Variants in TBC1D22A observed in about 807,000 individuals in gnomAD.
The protein encoded by TBC1D22A is putative GTPase activator.
TBC1D22A carries 38 observed loss-of-function variants against 60.2 expected under a neutral mutation model. The observed-to-expected ratio is 0.63, with a 90% confidence interval of 0.49 to 0.83. The LOEUF (loss-of-function observed/expected upper bound fraction) is 0.83, where lower values mean the gene tolerates loss of function less well. Ranked by LOEUF, TBC1D22A falls within the 40% of genes least tolerant of loss-of-function variation. TBC1D22A has a pLI of 0.00. For missense variants in TBC1D22A, 628 were observed against 701.0 expected (o/e 0.90, Z 1.18); for synonymous variants, 302 against 281.7 (o/e 1.07, Z -0.72).
At chr22:46,797,408 G>C in intron 3 of TBC1D22A, 36 bp from the exon 4 acceptor site, 1 of 1,608,406 alleles carries the variant, frequency 6.2e-7, no homozygotes, top group Non-Finnish European at 8.5e-7. Flanking sequence ...CGGGAGGAGC[G>C]CCCTCACCCT....
At chr22:47,061,107 G>T (rs910053207) in intron 11 of TBC1D22A, among the ~76,000 whole-genome samples, 1 of 151,522 alleles carries the variant, frequency 6.6e-6, no homozygotes, top group Admixed American at 6.6e-5. Flanking sequence ...GTCTTCCTCG[G>T]TGCCCTCACC....
At chr22:46,839,353 G>T (rs2086654511) in intron 4 of TBC1D22A, among the ~76,000 whole-genome samples, 1 of 151,658 alleles carries the variant, frequency 6.6e-6, no homozygotes, top group South Asian at 2.1e-4. Context: ...TGTCACCCAG[G>T]CTGGAGTGCA....
At chr22:47,068,724 C>T (rs1380744364) in intron 11 of TBC1D22A, among the ~76,000 whole-genome samples, 1 of 152,212 alleles carries the variant, frequency 6.6e-6, no homozygotes, top group African/African-American at 2.4e-5. Flanking sequence ...CTAACAATTT[C>T]ACGCCGAAAT....
intron 5 of TBC1D22A, among the ~76,000 whole-genome samples, chr22:46,890,123 A>G (rs537534401): frequency 1.7e-4 from 26 of 152,198 alleles, no homozygotes; most frequent in Non-Finnish European, 2.9e-4. Flanking sequence ...AGGCGGGTGG[A>G]TCACGAGGTC....
chr22:46,946,710 C>T (rs2072569173), intron 8 of TBC1D22A, among the ~76,000 whole-genome samples: 1 of 152,220 alleles, frequency 6.6e-6, no homozygotes, highest in Admixed American at 6.5e-5. Context: ...TTCATTCAGT[C>T]ACAGCATCCT....
At chr22:47,035,784 G>A (rs1395366764) in intron 10 of TBC1D22A, among the ~76,000 whole-genome samples, 1 of 152,152 alleles carries the variant, frequency 6.6e-6, no homozygotes, top group Non-Finnish European at 1.5e-5. Context: ...CTTAGGTGAG[G>A]GCAGCTCCCG....
chr22:46,883,739 C>T (rs1453517026), intron 5 of TBC1D22A, among the ~76,000 whole-genome samples: 1 of 152,222 alleles, frequency 6.6e-6, no homozygotes, highest in Non-Finnish European at 1.5e-5. Context: ...CCTTCACTGG[C>T]ACACAGGCCT....
At position 46,841,073 on chromosome 22, in the gene TBC1D22A, T is replaced by TGTGTGTGTGTGA. The variant is rs35099198; in HGVS notation, c.638-37579_638-37578insTGTGTGTGTGAG. Among the ~76,000 whole-genome samples, 323 of 148,672 alleles carry TGTGTGTGTGTGA rather than the reference T, an allele frequency of 2.2e-3. 1 individual carries two copies. The highest frequency in any genetic ancestry group is 5.3e-3 in the African/African-American group (214 of 40,228). On this transcript the variant is annotated intron_variant, in intron 4 of 12. Transcript: ENST00000337137. The stretch of plus-strand genomic sequence containing the variant: ...GTGTGTGTGTGTGTGTGTGTGTGTG[T>TGTGTGTGTGTGA]GAGAGAGAGAGAGAGAGAAAGAGAG...
chr22:46,854,095 C>T (rs554017683), intron 4 of TBC1D22A, among the ~76,000 whole-genome samples: 4 of 152,212 alleles, frequency 2.6e-5, no homozygotes, highest in Non-Finnish European at 5.9e-5. Context: ...CACGCTCTTC[C>T]TTGGTTGGGA....
intron 10 of TBC1D22A, among the ~76,000 whole-genome samples, chr22:47,008,346 C>T (rs898255019): frequency 3.3e-5 from 5 of 152,190 alleles, no homozygotes; most frequent in Admixed American, 2.6e-4. Context: ...CATTTTCTAG[C>T]CTGGAGGGAG....
In TBC1D22A at chr22:46,931,734, T is replaced by G. The variant is rs2071363552; in HGVS notation, c.1015+19546T>G. On this transcript the variant is annotated intron_variant, in intron 8 of 12. Coordinates refer to ENST00000337137, the MANE Select transcript of TBC1D22A (RefSeq NM_014346.5). ...TTTCAGAAATTTCATGGACTCTCTT[T>G]CCTGGGTCTGATTCTTAATCCCTTT... 2.6e-5 allele frequency among the ~76,000 whole-genome samples: 4 copies of G among 152,222 alleles called. No homozygotes were observed. The South Asian group carries it at 8.3e-4, about 31-fold the overall frequency.
chr22:47,017,248 G>T (rs1161429595), intron 10 of TBC1D22A, among the ~76,000 whole-genome samples: 1 of 152,192 alleles, frequency 6.6e-6, no homozygotes, highest in Non-Finnish European at 1.5e-5. Flanking sequence ...ATTGCATTTT[G>T]TATGAAAGTC....
At chr22:47,052,374 G>C (rs1232863197) in intron 11 of TBC1D22A, among the ~76,000 whole-genome samples, 1 of 152,220 alleles carries the variant, frequency 6.6e-6, no homozygotes, top group Non-Finnish European at 1.5e-5. Flanking sequence ...GGCACAGCGG[G>C]CGAGCCTGGG....
At chr22:47,057,295 G>A (rs73471656) in intron 11 of TBC1D22A, among the ~76,000 whole-genome samples, 6,426 of 152,216 alleles carry the variant, frequency 0.042, 421 homozygotes, top group African/African-American at 0.14. Flanking sequence ...CTCCTTCCAC[G>A]GGAGCAGAAG....
chr22:47,034,952 G>T (rs2062608942), intron 10 of TBC1D22A, among the ~76,000 whole-genome samples: 1 of 152,156 alleles, frequency 6.6e-6, no homozygotes, highest in Non-Finnish European at 1.5e-5. Context: ...GGCTCCCTGA[G>T]TCCTGAGGCA....
intron 9 of TBC1D22A, among the ~76,000 whole-genome samples, chr22:46,993,179 C>A (rs2075008150): frequency 1.3e-5 from 2 of 152,140 alleles, no homozygotes; most frequent in African/African-American, 4.8e-5. Flanking sequence ...AAAATGCTCC[C>A]TAAGAAAATT....
Position 47,117,651 on chromosome 22 carries a change from C to T in TBC1D22A, c.1425+6048C>T, listed in dbSNP as rs377560775. 7.2e-5 allele frequency among the ~76,000 whole-genome samples: 11 copies of T among 152,316 alleles called. No homozygotes were observed. The East Asian group carries it at 7.7e-4, about 11-fold the overall frequency. ...GGCCGCAGGAGCGAGGAAAGCAGGACGCTCCCGGGAGCACAGGAGCCCAGC... is the reference window on the plus strand; with the variant it reads ...GGCCGCAGGAGCGAGGAAAGCAGGATGCTCCCGGGAGCACAGGAGCCCAGC... On this transcript the variant is annotated intron_variant, in intron 12 of 12. Transcript: ENST00000337137.
rs747869318 is a variant in TBC1D22A, at chr22:46,765,957, ATGTGTGTGTGTGTGTG to A, written c.62+3143_62+3158del. ...ACTGGCCACCACGCCCAGCTAATTT[ATGTGTGTGTGTGTGTG>A]TGTGTGTGTGTGTGTGTGTGTGTGT... On this transcript the variant is annotated intron_variant, in intron 1 of 12. Coordinates refer to ENST00000337137, the MANE Select transcript of TBC1D22A (RefSeq NM_014346.5). Among the ~76,000 whole-genome samples the A allele has an allele frequency of 4.4e-3, 569 of 128,650 alleles. 5 individuals carry two copies. The highest frequency in any genetic ancestry group is 9.0e-3 in the African/African-American group (301 of 33,532). 84.4% of individuals were successfully genotyped at this position (128,650 alleles called of 152,430 possible). A position where few individuals can be genotyped will look rare whatever the true frequency, so the allele number is the denominator to read the frequency against.
At chr22:46,856,168 G>C (rs2087559431) in intron 4 of TBC1D22A, among the ~76,000 whole-genome samples, 1 of 152,214 alleles carries the variant, frequency 6.6e-6, no homozygotes, top group African/African-American at 2.4e-5. Flanking sequence ...GAGGTCTTGT[G>C]ATGCCAGGGC....
Sources: allele counts gnomAD v4.1 joint callset (sites outside exome capture counted in the v4.1 genomes callset), GRCh38; gene constraint gnomAD v4.1.1; transcripts MANE v1.5; gene names NCBI Gene and HGNC (gene_info 2026-07-23, HGNC 2026-07-21).